Variants in RAPH1 observed in about 807,000 individuals in gnomAD.
The protein encoded by RAPH1 is ras-associated and pleckstrin homology domains-containing protein 1.
RAPH1 carries 18 observed loss-of-function variants against 88.1 expected under a neutral mutation model. That is an observed-to-expected ratio of 0.20 (90% CI 0.14 to 0.30). The LOEUF is 0.30. Ranked by LOEUF, RAPH1 falls within the 10% of genes least tolerant of loss-of-function variation. The probability of loss-of-function intolerance (pLI) is 1.00; values close to 1 mark genes in which losing one functional copy is unlikely to be tolerated. For synonymous variants in RAPH1, 587 were observed against 559.0 expected (o/e 1.05, Z -0.71); for missense variants, 1,448 against 1,543.2 (o/e 0.94, Z 1.03).
At chr2:203,485,256 C>T (rs991733055) in intron 4 of RAPH1, among the ~76,000 whole-genome samples, 1 of 151,912 alleles carries the variant, frequency 6.6e-6, no homozygotes, top group Non-Finnish European at 1.5e-5. Flanking sequence ...AAAAGAAATA[C>T]AAAAATTAGC....
At chr2:203,442,919 T>G (rs2098505586) in intron 13 of RAPH1, 2 of 152,220 alleles carry the variant, frequency 1.3e-5, no homozygotes. Context: ...GCCATCCGAA[T>G]TCTGTAAACC....
intron 1 of RAPH1, among the ~76,000 whole-genome samples, chr2:203,511,689 A>C (rs1689348122): frequency 6.6e-6 from 1 of 151,838 alleles, no homozygotes. Flanking sequence ...TACCTTCTTT[A>C]CATTTCCATT....
At chr2:203,532,875 C>T (rs1408151057) in intron 1 of RAPH1, among the ~76,000 whole-genome samples, 2 of 152,072 alleles carry the variant, frequency 1.3e-5, no homozygotes, top group East Asian at 1.9e-4. Flanking sequence ...TATTAATTTT[C>T]CTAAAATTAA....
intron 1 of RAPH1, among the ~76,000 whole-genome samples, chr2:203,518,561 T>C (rs1689721539): frequency 6.6e-6 from 1 of 150,456 alleles, no homozygotes; most frequent in African/African-American, 2.4e-5. Flanking sequence ...AAAAAACTAC[T>C]ATAGGCCAGG....
At chr2:203,461,539 T>G in intron 5 of RAPH1, 131 bp from the exon 6 acceptor site, 1 of 623,050 alleles carries the variant, frequency 1.6e-6, no homozygotes, top group South Asian at 3.4e-5. Flanking sequence ...ATGACTTCAT[T>G]ATGCAAAAAT....
intron 8 of RAPH1, among the ~76,000 whole-genome samples, chr2:203,456,966 A>AC (rs1249854134): frequency 6.6e-6 from 1 of 152,104 alleles, no homozygotes; most frequent in Admixed American, 6.6e-5. Context: ...CACCTCTCCC[A>AC]CTTGGCAGCC....
At chr2:203,508,274 C>T (rs1013983453) in intron 1 of RAPH1, among the ~76,000 whole-genome samples, 7 of 148,168 alleles carry the variant, frequency 4.7e-5, no homozygotes, top group African/African-American at 1.7e-4. Context: ...ACTGGGGTTA[C>T]AGGCATGCAC....
rs778195265 is a variant in RAPH1 at position 203,445,016 on chromosome 2, T to C, written c.1634-6A>G. On this transcript the variant is annotated splice_region_variant and splice_polypyrimidine_tract_variant and intron_variant, in intron 12 of 13. Coordinates refer to ENST00000319170, the MANE Select transcript of RAPH1 (RefSeq NM_213589.3). ...GGAGTGGTTTGACTGAGACTCTGTT[T>C]AAAATAGTTTTTTAAACATAGGTTT... 38 of 1,609,774 alleles carry C rather than the reference T, an allele frequency of 2.4e-5. No individual in the cohort carries two copies. The Middle Eastern group carries it at 6.6e-4, about 28-fold the overall frequency.
intron 4 of RAPH1, among the ~76,000 whole-genome samples, chr2:203,475,134 G>A (rs1402922243): frequency 2.0e-5 from 3 of 152,120 alleles, no homozygotes; most frequent in African/African-American, 4.8e-5. Flanking sequence ...ATGGCCGGGC[G>A]CAGTGACTCA....
At position 203,448,705 on chromosome 2, in the gene RAPH1, A is replaced by G. The variant is rs776434343; in HGVS notation, c.1512+33T>C. 1 of 1,414,214 alleles carries G rather than the reference A, an allele frequency of 7.1e-7. No homozygotes were observed. Among genetic ancestry groups the G allele is most frequent in the Admixed American group, 1.9e-5 (1 of 52,692 alleles). The allele number at this position is 1,414,214 out of a possible 1,614,324, so 87.6% of individuals were successfully genotyped here. ...AAACTATATCATCGACAAACACCTC[A>G]TTATTCCATCATCAAATCAAAAGGA... is the stretch of plus-strand genomic sequence containing the variant. On this transcript the variant is annotated intron_variant, in intron 11 of 13. Transcript: ENST00000319170. The surrounding 1 kb of genome is among the most constrained non-coding windows in gnomAD (Gnocchi z 4.1).
In RAPH1 at chr2:203,441,406, A is replaced by C. The variant is rs564948157; in HGVS notation, c.1784T>G (p.Met595Arg). 193 of 1,546,040 alleles carry C rather than the reference A, an allele frequency of 1.2e-4. 1 individual carries two copies. In the South Asian group the frequency reaches 1.9e-3, roughly 15 times the overall value. The change falls in exon 14 of 14, where the codon ATG becomes AGG. Residue 595 changes from methionine to arginine, a missense_variant. Physicochemically the swap from Met to Arg is moderately conservative, Grantham distance 91. This residue lies in a region of RAPH1 where 935 missense variants were observed against 890.1 expected (regional missense o/e 1.05). Coordinates refer to ENST00000319170, the MANE Select transcript of RAPH1 (RefSeq NM_213589.3). ...TQLEESSKAR[M>R]ESMNRPYTSL... ...AGTGTAGGGCCGATTCATAGACTCC[A>C]TTCTGGCCTAAAAGGAGTATAAAAA...
intron 4 of RAPH1, among the ~76,000 whole-genome samples, chr2:203,471,778 A>G (rs2098533309): frequency 6.6e-6 from 1 of 151,570 alleles, no homozygotes; most frequent in Non-Finnish European, 1.5e-5. Flanking sequence ...AATGCAAGGT[A>G]AACTTTATAA....
intron 4 of RAPH1, among the ~76,000 whole-genome samples, chr2:203,465,551 T>G (rs2098527797): frequency 6.6e-6 from 1 of 152,222 alleles, no homozygotes; most frequent in Non-Finnish European, 1.5e-5. Context: ...GATAAAACAA[T>G]GGTGGATACA....
rs1381658964 is a variant in RAPH1, at chr2:203,437,545, G to A, written c.*1892C>T. 1 of 152,072 alleles carries A rather than the reference G, an allele frequency of 6.6e-6. No individual in the cohort carries two copies. Among genetic ancestry groups the A allele is most frequent in the Non-Finnish European group, 1.5e-5 (1 of 68,014 alleles). 9.4% of individuals were successfully genotyped at this position (152,072 alleles called of 1,614,324 possible). Reference sequence around the variant, plus strand: ...TTCATAAATATCAAACACAAAACTTGGTGAACAATTTGAAAGACCTAAAAA... The same window carrying A: ...TTCATAAATATCAAACACAAAACTTAGTGAACAATTTGAAAGACCTAAAAA... On this transcript the variant is annotated 3_prime_UTR_variant, in exon 14 of 14. Transcript: ENST00000319170.
At chr2:203,485,270 G>C (rs949482501) in intron 4 of RAPH1, among the ~76,000 whole-genome samples, 13 of 152,196 alleles carry the variant, frequency 8.5e-5, no homozygotes, top group African/African-American at 2.2e-4. Flanking sequence ...AATTAGCCAG[G>C]CGTGGTGGCA....
At chr2:203,507,723 A>T (rs1205666719) in intron 1 of RAPH1, among the ~76,000 whole-genome samples, 1 of 152,252 alleles carries the variant, frequency 6.6e-6, no homozygotes, top group African/African-American at 2.4e-5. Flanking sequence ...TTAAAGAGAC[A>T]TGACAACTAA....
At chr2:203,458,271 AG>A (rs1258251874) in intron 7 of RAPH1, among the ~76,000 whole-genome samples, 2 of 152,176 alleles carry the variant, frequency 1.3e-5, no homozygotes, top group African/African-American at 4.8e-5. Flanking sequence ...CAGGAGGCTG[AG>A]GTAGGAGAAT....
At chr2:203,481,389 A>G (rs2105786260) in intron 4 of RAPH1, among the ~76,000 whole-genome samples, 1 of 152,210 alleles carries the variant, frequency 6.6e-6, no homozygotes, top group East Asian at 1.9e-4. Flanking sequence ...GCTCTGCACA[A>G]TGTGTGTTAA....
rs141685915 is a variant in RAPH1, at chr2:203,439,917, T to G, written c.3273A>C (p.Ala1091=). ...ELPLPPIEIP[A]VFSGNTSPKV... is the part of the protein sequence containing the mutation. ...TTGGAGAGGTGTTTCCCGAGAAAAC[T>G]GCTGGAATCTCAATGGGGGGCAGAG... is the stretch of plus-strand genomic sequence containing the variant. The change falls in exon 14 of 14, where the codon GCA becomes GCC. Residue 1091 remains alanine, a synonymous_variant. Coordinates refer to ENST00000319170, the MANE Select transcript of RAPH1 (RefSeq NM_213589.3). The G allele has an allele frequency of 2.2e-4, 357 of 1,613,802 alleles. No homozygotes were observed. Among genetic ancestry groups the G allele is most frequent in the Non-Finnish European group, 2.8e-4 (335 of 1,179,994 alleles).
Sources: allele counts gnomAD v4.1 joint callset (sites outside exome capture counted in the v4.1 genomes callset), GRCh38; gene constraint gnomAD v4.1.1; regional missense constraint gnomAD v4.1.1; non-coding constraint Gnocchi (gnomAD v3.1); transcripts MANE v1.5; gene names NCBI Gene and HGNC (gene_info 2026-07-23, HGNC 2026-07-21).